KIAA1217: variants seen among roughly 807,000 people sequenced by gnomAD.
KIAA1217 encodes the protein KIAA1217.
Under a neutral mutation model 163.9 loss-of-function variants are expected in KIAA1217, and 88 were observed. The observed-to-expected ratio is 0.54, with a 90% CI of 0.45 to 0.64. The LOEUF is 0.64. KIAA1217 is among the 30% of genes least tolerant of loss of function. The pLI is 0.00. For missense variants in KIAA1217, 2,372 were observed against 2,475.0 expected, an observed-to-expected ratio of 0.96 and a Z score of 0.88; for synonymous variants, 903 against 923.1, an observed-to-expected ratio of 0.98 and a Z score of 0.39.
intron 5 of KIAA1217, among the ~76,000 whole-genome samples, chr10:24,449,139 A>G (rs2061194253): frequency 6.6e-6 from 1 of 152,170 alleles, no homozygotes. Flanking sequence ...AGCTAGGCAA[A>G]CACATTTGAA....
At position 24,524,731 on chromosome 10, in the gene KIAA1217, T is replaced by G. The variant is rs1430336867; in HGVS notation, c.2865T>G (p.Ser955Arg). The G allele has an allele frequency of 1.9e-6, 3 of 1,607,508 alleles. No homozygotes were observed. Among genetic ancestry groups the G allele is most frequent in the Non-Finnish European group, 2.6e-6 (3 of 1,175,174 alleles). The stretch of plus-strand genomic sequence containing the variant: ...GCTTGTTCATTGAAGAAATCCACAG[T>G]GTGAGTGCCAAGAACAGGGCAGTGT... ...MQSLFIEEIH[S>R]VSAKNRAVSI... Residue 955 changes from serine to arginine, a missense_variant, in exon 13 of 21, where the codon AGT becomes AGG. Ser to Arg is a moderately radical substitution (Grantham distance 110, BLOSUM62 -1). Coordinates refer to ENST00000376454, the MANE Select transcript of KIAA1217 (RefSeq NM_019590.5).
chr10:24,074,761 T>TG (rs1461819085), intron 2 of KIAA1217, among the ~76,000 whole-genome samples: 116 of 149,264 alleles, frequency 7.8e-4, no homozygotes, highest in Non-Finnish European at 1.6e-3. Context: ...TTGAGTGCAG[T>TG]GGCCTGCACA....
intron 6 of KIAA1217, among the ~76,000 whole-genome samples, chr10:24,484,244 T>A (rs866025838): frequency 0.086 from 7,750 of 89,990 alleles, 146 homozygotes; most frequent in South Asian, 0.13. Flanking sequence ...TATATATATT[T>A]TTTTTTTTTT....
chr10:24,041,091 A>G (rs535769129), intron 2 of KIAA1217, among the ~76,000 whole-genome samples: 1 of 152,342 alleles, frequency 6.6e-6, no homozygotes, highest in African/African-American at 2.4e-5. Flanking sequence ...ACATTTATCA[A>G]CTGTAAATGG....
intron 1 of KIAA1217, among the ~76,000 whole-genome samples, chr10:23,784,602 T>C (rs1263591093): frequency 1.3e-5 from 2 of 152,166 alleles, no homozygotes; most frequent in Non-Finnish European, 2.9e-5. Context: ...GATTTCTTTG[T>C]TTTTATCTTT....
chr10:24,361,356 T>G (rs942166852), intron 2 of KIAA1217, among the ~76,000 whole-genome samples: 1 of 151,902 alleles, frequency 6.6e-6, no homozygotes. Flanking sequence ...CCTGGCGAAT[T>G]TTTGTATTAT....
intron 1 of KIAA1217, among the ~76,000 whole-genome samples, chr10:23,894,142 C>CA (rs1564513484): frequency 6.7e-6 from 1 of 148,994 alleles, no homozygotes; most frequent in Non-Finnish European, 1.5e-5. Flanking sequence ...CTGGCCAGGG[C>CA]AATTAGGCAG....
At chr10:23,808,789 A>C (rs1463568176) in intron 1 of KIAA1217, among the ~76,000 whole-genome samples, 1 of 152,142 alleles carries the variant, frequency 6.6e-6, no homozygotes, top group Non-Finnish European at 1.5e-5. Context: ...AATATTACAG[A>C]ACTCAAGTGG....
At chr10:24,515,123 G>A (rs1017018985) in intron 10 of KIAA1217, among the ~76,000 whole-genome samples, 1 of 151,982 alleles carries the variant, frequency 6.6e-6, no homozygotes, top group Non-Finnish European at 1.5e-5. Context: ...CTGGAGTGCA[G>A]TGGCATGATC....
At chr10:24,157,643 G>A in intron 2 of KIAA1217, among the ~76,000 whole-genome samples, 1 of 152,090 alleles carries the variant, frequency 6.6e-6, no homozygotes, top group East Asian at 1.9e-4. Context: ...GAAGATACAA[G>A]GATGGCAAAT....
intron 1 of KIAA1217, among the ~76,000 whole-genome samples, chr10:23,951,645 C>CAAGG (rs1356697169): frequency 6.6e-6 from 1 of 152,036 alleles, no homozygotes; most frequent in Non-Finnish European, 1.5e-5. Flanking sequence ...AGCAAGCAAG[C>CAAGG]AAGCAAGCAA....
At chr10:24,378,684 C>T (rs978741990) in intron 2 of KIAA1217, among the ~76,000 whole-genome samples, 1 of 151,686 alleles carries the variant, frequency 6.6e-6, no homozygotes, top group Non-Finnish European at 1.5e-5. Context: ...GCACAAGTGT[C>T]AGCAATTTCC....
chr10:24,418,481 T>C (rs1412501390), intron 3 of KIAA1217, among the ~76,000 whole-genome samples: 1 of 152,122 alleles, frequency 6.6e-6, no homozygotes, highest in Non-Finnish European at 1.5e-5. Context: ...TTCACATTGA[T>C]GCTTTTTAAA....
At chr10:23,810,575 A>G (rs1227301376) in intron 1 of KIAA1217, among the ~76,000 whole-genome samples, 1 of 127,696 alleles carries the variant, frequency 7.8e-6, no homozygotes, top group Non-Finnish European at 1.6e-5. Flanking sequence ...AGTATAATCT[A>G]TATATAATAT....
chr10:23,764,805 C>A (rs145267409), intron 1 of KIAA1217, among the ~76,000 whole-genome samples: 43 of 151,802 alleles, frequency 2.8e-4, no homozygotes, highest in African/African-American at 9.9e-4. Context: ...GGGGTGGGGC[C>A]TGAGGGGTGG....
chr10:23,958,678 T>TGA (rs1256719846), intron 1 of KIAA1217, among the ~76,000 whole-genome samples: 3 of 149,804 alleles, frequency 2.0e-5, no homozygotes, highest in Non-Finnish European at 4.5e-5. Flanking sequence ...AGAGAGAGAG[T>TGA]GAGAGATTGT....
chr10:23,958,815 C>T (rs370589053), intron 1 of KIAA1217, among the ~76,000 whole-genome samples: 2 of 151,970 alleles, frequency 1.3e-5, no homozygotes, highest in East Asian at 3.9e-4. Context: ...TTATTTCTTG[C>T]TATCTTTCAT....
At chr10:23,741,440 T>A (rs567484096) in intron 1 of KIAA1217, among the ~76,000 whole-genome samples, 1 of 152,336 alleles carries the variant, frequency 6.6e-6, no homozygotes, top group African/African-American at 2.4e-5. Flanking sequence ...ATTGGAATGA[T>A]TCTGACTAAT....
rs1216684701 is a variant in KIAA1217 at position 23,695,618 on chromosome 10, G to T, written c.-321+384G>T. Among the ~76,000 whole-genome samples the T allele has an allele frequency of 1.3e-5, 2 of 152,178 alleles. No homozygotes were observed. The highest frequency in any genetic ancestry group is 2.9e-5 in the Non-Finnish European group (2 of 68,032). On this transcript the variant is annotated intron_variant, in intron 1 of 18. Coordinates refer to the KIAA1217 transcript ENST00000376462. This position sits in a 1 kb window ranked among gnomAD's most constrained non-coding sequence, Gnocchi z 4.9. ...CTTATATAGGTGCGACTAGGATGTTGCCTCGTTTTTCACTCGGGGCTGCGA... is the reference window on the plus strand; with the variant it reads ...CTTATATAGGTGCGACTAGGATGTTTCCTCGTTTTTCACTCGGGGCTGCGA...
Sources: allele counts gnomAD v4.1 joint callset (sites outside exome capture counted in the v4.1 genomes callset), GRCh38; gene constraint gnomAD v4.1.1; non-coding constraint Gnocchi (gnomAD v3.1); transcripts MANE v1.5; gene names NCBI Gene and HGNC (gene_info 2026-07-23, HGNC 2026-07-21).